The following SIPA1L2 variants were observed in gnomAD, a reference collection of about 807,000 sequenced individuals.
SIPA1L2 encodes signal-induced proliferation-associated 1-like protein 2.
SIPA1L2 carries 56 observed loss-of-function variants against 163.9 expected under a neutral mutation model. The observed-to-expected ratio is 0.34, with a 90% confidence interval of 0.28 to 0.43. The LOEUF (loss-of-function observed/expected upper bound fraction) is 0.43, where lower values mean the gene tolerates loss of function less well. Ranked by LOEUF, SIPA1L2 falls within the 20% of genes least tolerant of loss-of-function variation. The pLI is 1.00. For missense variants in SIPA1L2, 1,974 were observed against 2,193.5 expected, an observed-to-expected ratio of 0.90 and a Z score of 2.00; for synonymous variants, 877 against 865.7, an observed-to-expected ratio of 1.01 and a Z score of -0.23.
intron 1 of SIPA1L2, among the ~76,000 whole-genome samples, chr1:232,596,059 G>C (rs1661240892): frequency 6.6e-6 from 1 of 152,150 alleles, no homozygotes; most frequent in South Asian, 2.1e-4. Flanking sequence ...GATGCTATTT[G>C]TAAGAGGTTT....
At chr1:232,589,227 G>A (rs1314266676) in intron 1 of SIPA1L2, among the ~76,000 whole-genome samples, 3 of 152,194 alleles carry the variant, frequency 2.0e-5, no homozygotes, top group African/African-American at 7.2e-5. Flanking sequence ...TATTCACTGA[G>A]GTTTCTCTTT....
chr1:232,592,202 G>A (rs1661005051), intron 1 of SIPA1L2, among the ~76,000 whole-genome samples: 1 of 152,234 alleles, frequency 6.6e-6, no homozygotes, highest in South Asian at 2.1e-4. Flanking sequence ...CTGAAAGCAA[G>A]AGGAATATTT....
At chr1:232,624,258 A>ACCTGAAACAGGTAGCATTTGC (rs1662962814) in intron 1 of SIPA1L2, among the ~76,000 whole-genome samples, 2 of 152,238 alleles carry the variant, frequency 1.3e-5, no homozygotes, top group Admixed American at 1.3e-4. Context: ...CCATTTAAAC[A>ACCTGAAACAGGTAGCATTTGC]CCTGAAACAG....
intron 2 of SIPA1L2, among the ~76,000 whole-genome samples, chr1:232,519,225 A>G (rs946833545): frequency 6.6e-6 from 1 of 152,222 alleles, no homozygotes; most frequent in African/African-American, 2.4e-5. Context: ...AAAGAATGTC[A>G]TACTTCATCT....
rs1438427282 is a variant in SIPA1L2, at chr1:232,439,206, G to C, written c.3933C>G (p.Ala1311=). ...CGTAGCCATGCACAGAATATAACTT[G>C]GCTGGCTCGTCGTCAGGCCCAGAGA... ...ADVSGPDDEP[A]KLYSVHGYAS... The change falls in exon 15 of 23, where the codon GCC becomes GCG. Residue 1311 remains alanine, a synonymous_variant. Transcript: ENST00000674635. 1.9e-6 allele frequency: 3 copies of C among 1,613,764 alleles called. No individual in the cohort carries two copies. Among genetic ancestry groups the C allele is most frequent in the Non-Finnish European group, 2.5e-6 (3 of 1,180,046 alleles).
At chr1:232,618,722 T>C (rs1451687591) in intron 1 of SIPA1L2, among the ~76,000 whole-genome samples, 1 of 152,048 alleles carries the variant, frequency 6.6e-6, no homozygotes, top group East Asian at 1.9e-4. Context: ...GTATCAATTA[T>C]CAAGTTATAT....
chr1:232,424,590 T>TC (rs1252566403), intron 18 of SIPA1L2, among the ~76,000 whole-genome samples: 1 of 152,158 alleles, frequency 6.6e-6, no homozygotes, highest in Non-Finnish European at 1.5e-5. Flanking sequence ...GGCTGACCTT[T>TC]CACATGGTTG....
intron 2 of SIPA1L2, among the ~76,000 whole-genome samples, chr1:232,542,384 A>C (rs2103111956): frequency 6.6e-6 from 1 of 152,318 alleles, no homozygotes; most frequent in South Asian, 2.1e-4. Flanking sequence ...AGCTCAAATA[A>C]GATGCATTTA....
intron 2 of SIPA1L2, among the ~76,000 whole-genome samples, chr1:232,546,425 A>AACCT (rs1371198920): frequency 1.3e-5 from 2 of 152,188 alleles, no homozygotes; most frequent in African/African-American, 2.4e-5. Flanking sequence ...ACACTTTACG[A>AACCT]ACCTCCCATT....
At chr1:232,579,385 G>A (rs1047705344) in intron 1 of SIPA1L2, among the ~76,000 whole-genome samples, 2 of 152,084 alleles carry the variant, frequency 1.3e-5, no homozygotes, top group African/African-American at 2.4e-5. Flanking sequence ...AAAACACTCC[G>A]GTCTAGACTC....
intron 1 of SIPA1L2, among the ~76,000 whole-genome samples, chr1:232,591,885 T>C (rs566874185): frequency 2.0e-4 from 30 of 152,338 alleles, no homozygotes; most frequent in African/African-American, 6.0e-4. Flanking sequence ...TTACTAGAAC[T>C]GGCTGAGACT....
chr1:232,483,402 C>A (rs1034786631), intron 6 of SIPA1L2, among the ~76,000 whole-genome samples: 1 of 152,112 alleles, frequency 6.6e-6, no homozygotes, highest in Non-Finnish European at 1.5e-5. Flanking sequence ...CCCAATAACA[C>A]AGCATGAATG....
intron 2 of SIPA1L2, among the ~76,000 whole-genome samples, chr1:232,549,284 C>T (rs1304067176): frequency 6.6e-6 from 1 of 152,200 alleles, no homozygotes; most frequent in Non-Finnish European, 1.5e-5. Context: ...CCTTGACCAG[C>T]CACCTTTCTT....
At chr1:232,526,858 G>C (rs1487918068) in intron 2 of SIPA1L2, among the ~76,000 whole-genome samples, 1 of 152,136 alleles carries the variant, frequency 6.6e-6, no homozygotes, top group African/African-American at 2.4e-5. Context: ...CCCACATCAA[G>C]ACTGTGCCCA....
At chr1:232,468,103 G>C (rs547133361) in intron 8 of SIPA1L2, among the ~76,000 whole-genome samples, 1 of 152,308 alleles carries the variant, frequency 6.6e-6, no homozygotes, top group African/African-American at 2.4e-5. Flanking sequence ...ATCAATTAGA[G>C]ACCCTTGGTT....
chr1:232,449,640 T>C (rs1278946297), intron 10 of SIPA1L2, among the ~76,000 whole-genome samples: 1 of 149,640 alleles, frequency 6.7e-6, no homozygotes, highest in Non-Finnish European at 1.5e-5. Flanking sequence ...TATTAAGAAA[T>C]AGTATATGAA....
At chr1:232,402,522 A>C in intron 21 of SIPA1L2, 49 bp from the exon 22 acceptor site, 1 of 1,547,558 alleles carries the variant, frequency 6.5e-7, no homozygotes, top group African/African-American at 1.4e-5. Context: ...TCAATCGAGC[A>C]TTTTTGTTGG....
chr1:232,514,665 C>G lies in SIPA1L2; in HGVS notation c.675G>C (p.Met225Ile). The change falls in exon 3 of 23, where the codon ATG (methionine) becomes ATC (isoleucine). Residue 225 changes from methionine (M) to isoleucine (I), a missense_variant. By Grantham distance (10) the Met-to-Ile change is conservative. This residue lies in a region of SIPA1L2 where 607 missense variants were observed against 624.0 expected (regional missense o/e 0.97). Coordinates refer to ENST00000674635, the MANE Select transcript of SIPA1L2 (RefSeq NM_020808.5). Reference protein sequence around the residue: ...YRVENYDHKAMVPFGFPEFFR... With the variant: ...YRVENYDHKAIVPFGFPEFFR... ...AAAATTCAGGGAACCCAAAAGGGAC[C>G]ATTGCTTTGTGGTCATAATTTTCTA... is the stretch of plus-strand genomic sequence containing the variant. The G allele has an allele frequency of 6.2e-7, 1 of 1,614,186 alleles. No homozygotes were observed. The highest frequency in any genetic ancestry group is 8.5e-7 in the Non-Finnish European group (1 of 1,180,038).
chr1:232,455,910 T>C (rs1663885060), intron 10 of SIPA1L2, among the ~76,000 whole-genome samples: 1 of 151,854 alleles, frequency 6.6e-6, no homozygotes, highest in South Asian at 2.1e-4. Context: ...TGAGTACACA[T>C]GGACACGAAG....
Sources: gnomAD v4.1 joint callset for allele counts (sites outside exome capture counted in the v4.1 genomes callset) on GRCh38, gnomAD v4.1.1 for gene constraint, gnomAD v4.1.1 regional missense constraint, MANE v1.5 for transcripts, NCBI Gene and HGNC (gene_info 2026-07-23, HGNC 2026-07-21) for gene names.